Variants in PRIM2 observed in about 807,000 individuals in gnomAD.
PRIM2 encodes DNA primase large subunit.
A neutral mutation model predicts 67.3 loss-of-function variants in PRIM2; 39 were observed. The ratio of observed to expected loss-of-function variants is 0.58; its 90% CI spans 0.45 to 0.76. The LOEUF is 0.76. PRIM2 is among the 30% of genes least tolerant of loss of function. The pLI is 0.00. For missense variants in PRIM2, 398 were observed against 598.7 expected, an observed-to-expected ratio of 0.66 and a Z score of 3.50; for synonymous variants, 143 against 198.7, an observed-to-expected ratio of 0.72 and a Z score of 2.36.
intron 10 of PRIM2, among the ~76,000 whole-genome samples, chr6:57,544,137 C>T (rs1775237176): frequency 6.6e-6 from 1 of 151,956 alleles, no homozygotes; most frequent in Admixed American, 6.6e-5. Flanking sequence ...GGCTTCTGGC[C>T]GAGTTTGGTC....
chr6:57,325,791 T>C, intron 4 of PRIM2, 134 bp from the exon 5 acceptor site: 1 of 798,686 alleles, frequency 1.3e-6, no homozygotes, highest in Non-Finnish European at 2.0e-6. Context: ...CTTACCGTGA[T>C]AGAGGACTTG....
chr6:57,246,515 AAGAC>A, the PRIM2 span, among the ~76,000 whole-genome samples: 2 of 152,196 alleles, frequency 1.3e-5, no homozygotes, highest in Non-Finnish European at 2.9e-5. Flanking sequence ...GCAGGAGTGA[AAGAC>A]AGGATGGTGT....
intron 7 of PRIM2, among the ~76,000 whole-genome samples, chr6:57,479,646 G>A (rs1249457459): frequency 1.3e-5 from 2 of 152,152 alleles, no homozygotes; most frequent in African/African-American, 4.8e-5. Context: ...TCCCATACAC[G>A]TGTGGCCTTT....
upstream of PRIM2, among the ~76,000 whole-genome samples, chr6:57,310,307 C>T (rs543056933): frequency 2.0e-5 from 3 of 152,342 alleles, no homozygotes; most frequent in South Asian, 4.1e-4. Flanking sequence ...TCTTGCACCG[C>T]CCTTAATCCA....
chr6:57,473,587 C>T (rs1773390955), intron 7 of PRIM2, among the ~76,000 whole-genome samples: 1 of 152,130 alleles, frequency 6.6e-6, no homozygotes, highest in Non-Finnish European at 1.5e-5. Flanking sequence ...TGGCTTTTTA[C>T]TTGAAAAGTT....
At chr6:57,497,818 C>T (rs1774038507) in intron 7 of PRIM2, 1 of 152,042 alleles carries the variant, frequency 6.6e-6, no homozygotes, top group Non-Finnish European at 1.5e-5. Context: ...GTGCTGTGGG[C>T]ATTTGAACAC....
chr6:57,292,573 A>C, the PRIM2 span, among the ~76,000 whole-genome samples: 1 of 152,230 alleles, frequency 6.6e-6, no homozygotes, highest in Non-Finnish European at 1.5e-5. Context: ...AGTTGGAGGC[A>C]TCATGCTACC....
At chr6:57,508,874 A>G (rs1363250727) in intron 8 of PRIM2, among the ~76,000 whole-genome samples, 2 of 152,048 alleles carry the variant, frequency 1.3e-5, no homozygotes, top group African/African-American at 4.8e-5. Flanking sequence ...TCTTTGTTGT[A>G]TTTGTTACAT....
At chr6:57,440,820 C>T (rs1772179849) in intron 7 of PRIM2, among the ~76,000 whole-genome samples, 1 of 152,186 alleles carries the variant, frequency 6.6e-6, no homozygotes, top group Non-Finnish European at 1.5e-5. Context: ...TAAATCTTTT[C>T]CCTATAGAAT....
the PRIM2 span, among the ~76,000 whole-genome samples, chr6:57,269,076 T>G: frequency 9.2e-5 from 14 of 152,214 alleles, no homozygotes; most frequent in Non-Finnish European, 1.8e-4. Flanking sequence ...CTATTGTGAA[T>G]AGTGCTGCAA....
the PRIM2 span, among the ~76,000 whole-genome samples, chr6:57,249,391 C>T: frequency 6.6e-6 from 1 of 152,140 alleles, no homozygotes; most frequent in Non-Finnish European, 1.5e-5. Flanking sequence ...ACTGTCCAGT[C>T]TGAGTAGGGC....
intron 10 of PRIM2, among the ~76,000 whole-genome samples, chr6:57,575,274 A>C (rs1775942984): frequency 6.6e-6 from 1 of 152,218 alleles, no homozygotes; most frequent in Non-Finnish European, 1.5e-5. Flanking sequence ...CCAATAAATA[A>C]GATAGTAATT....
At chr6:57,504,471 C>T (rs1774212631) in intron 7 of PRIM2, among the ~76,000 whole-genome samples, 2 of 152,178 alleles carry the variant, frequency 1.3e-5, no homozygotes, top group South Asian at 4.1e-4. Context: ...TTGGTTAATT[C>T]AGTGTGCTAA....
intron 10 of PRIM2, among the ~76,000 whole-genome samples, chr6:57,546,885 C>G (rs1775298952): frequency 6.6e-6 from 1 of 152,010 alleles, no homozygotes; most frequent in African/African-American, 2.4e-5. Context: ...GGTTTTTATT[C>G]TTAAATTGTT....
intron 10 of PRIM2, among the ~76,000 whole-genome samples, chr6:57,585,098 T>A (rs1582004894): frequency 1.3e-5 from 2 of 152,312 alleles, no homozygotes; most frequent in East Asian, 1.9e-4. Context: ...TCAAATTGCT[T>A]AACTGATTTT....
intron 10 of PRIM2, among the ~76,000 whole-genome samples, chr6:57,600,396 T>A (rs1412830052): frequency 1.3e-5 from 2 of 151,874 alleles, no homozygotes; most frequent in Non-Finnish European, 2.9e-5. Context: ...TCTCACTATG[T>A]TGCCCAGGCT....
At chr6:57,428,364 A>G (rs1256545129) in intron 7 of PRIM2, among the ~76,000 whole-genome samples, 5 of 152,224 alleles carry the variant, frequency 3.3e-5, no homozygotes, top group African/African-American at 1.2e-4. Flanking sequence ...AAAACTAACA[A>G]ACAGACATTA....
rs1364888835 is a variant in PRIM2, at chr6:57,551,697, C to G, written c.1020+14072C>G. On this transcript the variant is annotated intron_variant, in intron 10 of 13. Coordinates refer to ENST00000615550, the MANE Select transcript of PRIM2 (RefSeq NM_000947.5). ...AAAAAAAAAAATTAAAACTCTGGAG[C>G]TTACATTCTGGTTGAGGAGAGACAG... Among the ~76,000 whole-genome samples the G allele has an allele frequency of 1.3e-4, 19 of 151,964 alleles. No individual in the cohort carries two copies. The South Asian group carries it at 3.3e-3, about 27-fold the overall frequency.
chr6:57,455,070 T>C (rs1348818922), intron 7 of PRIM2, among the ~76,000 whole-genome samples: 2 of 152,190 alleles, frequency 1.3e-5, no homozygotes, highest in African/African-American at 4.8e-5. Context: ...GAGCAGGTTG[T>C]TCAGTTTCCA....
Sources: allele counts gnomAD v4.1 joint callset (sites outside exome capture counted in the v4.1 genomes callset), GRCh38; gene constraint gnomAD v4.1.1; transcripts MANE v1.5; gene names NCBI Gene and HGNC (gene_info 2026-07-23, HGNC 2026-07-21).